Variants in FGF12 observed in about 807,000 individuals in gnomAD.
FGF12 encodes fibroblast growth factor 12.
Under a neutral mutation model 23.6 loss-of-function variants are expected in FGF12, and 14 were observed. The observed-to-expected ratio is 0.59, with a 90% confidence interval of 0.39 to 0.93. The LOEUF (loss-of-function observed/expected upper bound fraction) is 0.93, where lower values mean the gene tolerates loss of function less well. Among genes scored for constraint, FGF12 ranks in the 40% least tolerant of loss-of-function variants. The pLI is 0.00. For synonymous variants in FGF12, 62 were observed against 77.3 expected (o/e 0.80, Z 1.04); for missense variants, 175 against 217.8 (o/e 0.80, Z 1.24).
At chr3:192,313,929 C>A (rs1206468732) in intron 4 of FGF12, among the ~76,000 whole-genome samples, 1 of 152,174 alleles carries the variant, frequency 6.6e-6, no homozygotes, top group Non-Finnish European at 1.5e-5. Flanking sequence ...CAATGTGATG[C>A]AATCTGGAGG....
chr3:192,450,466 T>G (rs1449415053), intron 2 of FGF12, among the ~76,000 whole-genome samples: 1 of 152,184 alleles, frequency 6.6e-6, no homozygotes, highest in African/African-American at 2.4e-5. Flanking sequence ...GAACATAGGA[T>G]ACCAAATAAA....
rs1228826901 is a variant in FGF12 at position 192,415,740 on chromosome 3, A to T, written c.14-55202T>A. Among the ~76,000 whole-genome samples the T allele has an allele frequency of 4.8e-3, 722 of 149,962 alleles. 9 individuals carry two copies. The highest frequency in any genetic ancestry group is 0.017 in the African/African-American group (680 of 40,716). On this transcript the variant is annotated intron_variant, in intron 2 of 5. Transcript: ENST00000445105. ...TCTCTTCTCTCTCTCTCTCACACAC[A>T]CACACACACACACACACACACACAC...
intron 4 of FGF12, among the ~76,000 whole-genome samples, chr3:192,256,373 GCACA>G (rs35813494): frequency 7.3e-5 from 11 of 150,300 alleles, no homozygotes; most frequent in African/African-American, 2.4e-4. Context: ...TACTCATACC[GCACA>G]CACACACACA....
At chr3:192,592,258 C>G (rs1476516348) in intron 2 of FGF12, among the ~76,000 whole-genome samples, 1 of 151,868 alleles carries the variant, frequency 6.6e-6, no homozygotes, top group Non-Finnish European at 1.5e-5. Flanking sequence ...ATAAACCCTC[C>G]TTTTTGGGAG....
intron 2 of FGF12, among the ~76,000 whole-genome samples, chr3:192,656,814 C>T (rs981713680): frequency 3.3e-5 from 5 of 152,122 alleles, no homozygotes; most frequent in Admixed American, 6.5e-5. Context: ...ATCCTTGACG[C>T]GACCTGGCTT....
chr3:192,530,421 G>T (rs1472242582), intron 2 of FGF12, among the ~76,000 whole-genome samples: 1 of 152,174 alleles, frequency 6.6e-6, no homozygotes, highest in Admixed American at 6.5e-5. Flanking sequence ...ATATGGTGGA[G>T]AAGCTTATTG....
intron 4 of FGF12, among the ~76,000 whole-genome samples, chr3:192,183,876 G>A (rs1426457702): frequency 1.3e-5 from 2 of 152,252 alleles, no homozygotes; most frequent in Non-Finnish European, 2.9e-5. Flanking sequence ...GCCACAGTGG[G>A]TGCTTTGCTT....
chr3:192,690,276 T>G (rs1717900157), intron 2 of FGF12, among the ~76,000 whole-genome samples: 1 of 151,930 alleles, frequency 6.6e-6, no homozygotes, highest in Non-Finnish European at 1.5e-5. Context: ...ACTGAAATGG[T>G]TGTGTGTAAG....
chr3:192,496,128 T>TC, intron 2 of FGF12, among the ~76,000 whole-genome samples: 1 of 152,178 alleles, frequency 6.6e-6, no homozygotes, highest in East Asian at 1.9e-4. Context: ...TCATTCTTAA[T>TC]AGGAGAAATT....
In FGF12 at chr3:192,143,298, T is replaced by C. The variant is rs1369172770; in HGVS notation, c.*711A>G. On this transcript the variant is annotated 3_prime_UTR_variant, in exon 6 of 6. Transcript: ENST00000445105. Reference sequence around the variant, plus strand: ...TAAAAATGTTATACTCTAGGATAATTTGAAATCATTTTTGTGAAAGAATTA... The same window carrying C: ...TAAAAATGTTATACTCTAGGATAATCTGAAATCATTTTTGTGAAAGAATTA... The C allele has an allele frequency of 2.0e-5, 3 of 151,928 alleles. No homozygotes were observed. The highest frequency in any genetic ancestry group is 4.8e-5 in the African/African-American group (2 of 41,412). 9.4% of individuals were successfully genotyped at this position (151,928 alleles called of 1,614,324 possible). A position where few individuals can be genotyped will look rare whatever the true frequency, so the allele number is the denominator to read the frequency against.
At chr3:192,448,718 C>T (rs1336840616) in intron 2 of FGF12, among the ~76,000 whole-genome samples, 1 of 152,050 alleles carries the variant, frequency 6.6e-6, no homozygotes, top group African/African-American at 2.4e-5. Context: ...AAAAACAGGG[C>T]CAGTAATATA....
intron 4 of FGF12, among the ~76,000 whole-genome samples, chr3:192,207,968 A>G (rs1308918337): frequency 6.6e-6 from 1 of 152,192 alleles, no homozygotes; most frequent in Non-Finnish European, 1.5e-5. Flanking sequence ...TTACAGGGTA[A>G]TTATTTCCAC....
At chr3:192,411,000 G>T (rs754685143) in intron 2 of FGF12, among the ~76,000 whole-genome samples, 1 of 152,066 alleles carries the variant, frequency 6.6e-6, no homozygotes, top group Non-Finnish European at 1.5e-5. Context: ...GACACTTCAC[G>T]AAGCATCTAG....
At chr3:192,189,415 G>A (rs756031642) in intron 4 of FGF12, among the ~76,000 whole-genome samples, 5 of 152,118 alleles carry the variant, frequency 3.3e-5, no homozygotes, top group Non-Finnish European at 7.3e-5. Flanking sequence ...ATGTAAAGTT[G>A]ACGCACCTCT....
intron 3 of FGF12, among the ~76,000 whole-genome samples, chr3:192,340,527 A>G (rs1253697711): frequency 3.9e-5 from 6 of 152,220 alleles, no homozygotes; most frequent in Non-Finnish European, 8.8e-5. Context: ...ATTTAATCTG[A>G]CATTCAAAGA....
chr3:192,592,362 TTA>T (rs1713661583), intron 2 of FGF12, among the ~76,000 whole-genome samples: 1 of 151,892 alleles, frequency 6.6e-6, no homozygotes, highest in African/African-American at 2.4e-5. Context: ...GAATCCAATC[TTA>T]TTTGTCTACT....
chr3:192,401,638 A>G (rs1720765467), intron 2 of FGF12, among the ~76,000 whole-genome samples: 1 of 152,170 alleles, frequency 6.6e-6, no homozygotes, highest in Admixed American at 6.5e-5. Context: ...GTGCCCAATT[A>G]AAAATACAAG....
At chr3:192,670,460 T>C (rs990710504) in intron 2 of FGF12, among the ~76,000 whole-genome samples, 3 of 152,102 alleles carry the variant, frequency 2.0e-5, no homozygotes, top group Non-Finnish European at 2.9e-5. Flanking sequence ...TGTTTTAGAG[T>C]AATCATCACA....
In FGF12 at chr3:192,564,051, G is replaced by GT. The variant is rs1217179666; in HGVS notation, c.13+163129dup. Among the ~76,000 whole-genome samples, 126 of 151,148 alleles carry GT rather than the reference G, an allele frequency of 8.3e-4. 1 individual carries two copies. Among genetic ancestry groups the GT allele is most frequent in the Non-Finnish European group, 1.4e-3 (96 of 67,636 alleles). Reference sequence around the variant, plus strand: ...TGTAGTTTTTTGTTTTTTTTTGTTTGTTTTTTGTTTTTGTTTGTTTGTTTG... The same window carrying GT: ...TGTAGTTTTTTGTTTTTTTTTGTTTGTTTTTTTGTTTTTGTTTGTTTGTTTG... On this transcript the variant is annotated intron_variant, in intron 2 of 5. Coordinates refer to ENST00000445105, the MANE Select transcript of FGF12 (RefSeq NM_004113.6).
Sources: gnomAD v4.1 joint callset for allele counts (sites outside exome capture counted in the v4.1 genomes callset) on GRCh38, gnomAD v4.1.1 for gene constraint, MANE v1.5 for transcripts, NCBI Gene and HGNC (gene_info 2026-07-23, HGNC 2026-07-21) for gene names.